Variants in TPRG1 observed in about 807,000 individuals in gnomAD.
TPRG1 encodes the protein tumor protein p63 regulated 1, also known as tumor protein p63-regulated gene 1 protein.
In TPRG1, 29 loss-of-function variants were observed where a neutral mutation model predicts 29.3. The observed-to-expected ratio is 0.99, with a 90% CI of 0.74 to 1.35. The LOEUF (loss-of-function observed/expected upper bound fraction) is 1.35. TPRG1 is among the 40% of genes most tolerant of loss of function. The pLI, the probability that TPRG1 is intolerant of heterozygous loss-of-function variation, is 0.00. For synonymous variants in TPRG1, 130 were observed against 116.8 expected (o/e 1.11, Z -0.73); for missense variants, 327 against 335.0 (o/e 0.98, Z 0.19).
chr3:189,146,700 T>A (rs1725309248), intron 3 of TPRG1, among the ~76,000 whole-genome samples: 2 of 152,318 alleles, frequency 1.3e-5, no homozygotes, highest in South Asian at 4.1e-4. Context: ...CTGCTTACCC[T>A]GAGCTATCCA....
chr3:189,317,761 A>G (rs952835353), intron 5 of TPRG1, among the ~76,000 whole-genome samples: 2 of 152,222 alleles, frequency 1.3e-5, no homozygotes, highest in African/African-American at 4.8e-5. Flanking sequence ...GTCATATCAA[A>G]TGTATACTTA....
intron 1 of TPRG1, among the ~76,000 whole-genome samples, chr3:188,997,408 A>G (rs1332349499): frequency 6.6e-6 from 1 of 152,136 alleles, no homozygotes; most frequent in Non-Finnish European, 1.5e-5. Context: ...CTTTCTGTAC[A>G]GTTCAGAAAA....
intron 1 of TPRG1, among the ~76,000 whole-genome samples, chr3:189,179,406 C>T (rs1307789482): frequency 6.6e-6 from 1 of 152,190 alleles, no homozygotes; most frequent in African/African-American, 2.4e-5. Flanking sequence ...GACATATAAA[C>T]CTTGTCTTTC....
intron 4 of TPRG1, among the ~76,000 whole-genome samples, chr3:189,047,310 A>G (rs898564198): frequency 8.5e-5 from 13 of 152,340 alleles, no homozygotes; most frequent in Non-Finnish European, 1.5e-4. Flanking sequence ...TCTACAGTAT[A>G]CTATAGTCTA....
chr3:189,191,230 C>T (rs1377784604), intron 1 of TPRG1, among the ~76,000 whole-genome samples: 1 of 152,072 alleles, frequency 6.6e-6, no homozygotes, highest in Non-Finnish European at 1.5e-5. Flanking sequence ...TGTTATCGTT[C>T]TTCATCAGTC....
intron 4 of TPRG1, among the ~76,000 whole-genome samples, chr3:189,029,242 G>A (rs1277330486): frequency 6.6e-6 from 1 of 152,152 alleles, no homozygotes; most frequent in Non-Finnish European, 1.5e-5. Context: ...GAATCAGTTT[G>A]TGAGATGTGA....
At chr3:189,124,037 G>C (rs780312277) in intron 1 of TPRG1, among the ~76,000 whole-genome samples, 1 of 152,136 alleles carries the variant, frequency 6.6e-6, no homozygotes, top group Non-Finnish European at 1.5e-5. Context: ...TTCGTTGTAC[G>C]TGTTCTGATT....
upstream of TPRG1, among the ~76,000 whole-genome samples, chr3:189,167,889 AAG>A (rs1728352325): frequency 6.6e-6 from 1 of 152,172 alleles, no homozygotes; most frequent in Admixed American, 6.5e-5. Flanking sequence ...GCAAAGGAGA[AAG>A]AGAGGCCAAG....
chr3:189,297,879 A>T (rs1221248046), intron 4 of TPRG1, among the ~76,000 whole-genome samples: 1 of 152,152 alleles, frequency 6.6e-6, no homozygotes, highest in Non-Finnish European at 1.5e-5. Flanking sequence ...GTTCTCATTC[A>T]TGTATGCAAA....
At chr3:189,215,840 AG>A (rs1371427803) in intron 3 of TPRG1, among the ~76,000 whole-genome samples, 1 of 152,200 alleles carries the variant, frequency 6.6e-6, no homozygotes, top group East Asian at 1.9e-4. Flanking sequence ...CAGAAAAACC[AG>A]GGAAATCATG....
chr3:189,299,936 T>C (rs1033160755), intron 4 of TPRG1, among the ~76,000 whole-genome samples: 1 of 152,216 alleles, frequency 6.6e-6, no homozygotes, highest in African/African-American at 2.4e-5. Context: ...TGTATCTGGC[T>C]GAGAAAGTGT....
At chr3:189,103,137 C>G (rs949208363) in intron 1 of TPRG1, among the ~76,000 whole-genome samples, 3 of 152,172 alleles carry the variant, frequency 2.0e-5, no homozygotes, top group African/African-American at 7.2e-5. Context: ...GCCAGGGTGG[C>G]AAACAGCAGC....
At chr3:189,220,468 G>A (rs921891081) in intron 3 of TPRG1, among the ~76,000 whole-genome samples, 1 of 152,162 alleles carries the variant, frequency 6.6e-6, no homozygotes, top group Non-Finnish European at 1.5e-5. Context: ...AGTGGTACAA[G>A]TGCAGGTTTG....
chr3:189,320,400 T>C (rs1348304253), intron 5 of TPRG1, among the ~76,000 whole-genome samples: 1 of 152,118 alleles, frequency 6.6e-6, no homozygotes, highest in East Asian at 1.9e-4. Context: ...TTTCTGACAT[T>C]AAGAAGCAAA....
At chr3:189,138,777 A>G (rs1724116830) in intron 3 of TPRG1, among the ~76,000 whole-genome samples, 1 of 152,190 alleles carries the variant, frequency 6.6e-6, no homozygotes, top group Non-Finnish European at 1.5e-5. Flanking sequence ...TTGTGTCTGG[A>G]GAACAGGAGG....
At chr3:189,169,238 C>A (rs2108653762), upstream of TPRG1, among the ~76,000 whole-genome samples, 1 of 152,302 alleles carries the variant, frequency 6.6e-6, no homozygotes, top group East Asian at 1.9e-4. Context: ...GATCTTGGCT[C>A]ACTGCAACCT....
intron 3 of TPRG1, among the ~76,000 whole-genome samples, chr3:189,236,664 AG>A (rs1189277938): frequency 1.3e-5 from 2 of 152,196 alleles, no homozygotes; most frequent in Non-Finnish European, 1.5e-5. Context: ...CCTTCTTCAA[AG>A]GGTTGTGGTA....
At chr3:189,216,908 T>C (rs1351864243) in intron 3 of TPRG1, among the ~76,000 whole-genome samples, 1 of 152,212 alleles carries the variant, frequency 6.6e-6, no homozygotes, top group Non-Finnish European at 1.5e-5. Context: ...ATCCCATCAG[T>C]AGCAAACACT....
chr3:189,157,801 C>T (rs903842833), intron 5 of TPRG1, among the ~76,000 whole-genome samples: 2 of 152,116 alleles, frequency 1.3e-5, no homozygotes, highest in Non-Finnish European at 2.9e-5. Context: ...GAGTTGGGAC[C>T]TGTAGGACCC....
Sources: gnomAD v4.1 joint callset for allele counts (sites outside exome capture counted in the v4.1 genomes callset) on GRCh38, gnomAD v4.1.1 for gene constraint, MANE v1.5 for transcripts, NCBI Gene and HGNC (gene_info 2026-07-23, HGNC 2026-07-21) for gene names.